The following FAM81A variants were observed in gnomAD, a reference collection of about 807,000 sequenced individuals.
FAM81A encodes the protein protein FAM81A.
Under a neutral mutation model 46.7 loss-of-function variants are expected in FAM81A, and 19 were observed. That is an observed-to-expected ratio of 0.41 (90% CI 0.28 to 0.60). FAM81A has a LOEUF of 0.60. FAM81A is among the 20% of genes least tolerant of loss of function. The probability of loss-of-function intolerance (pLI) is 0.34; values close to 1 mark genes in which losing one functional copy is unlikely to be tolerated. For synonymous variants in FAM81A, 183 were observed against 152.9 expected (o/e 1.20, Z -1.45); for missense variants, 377 against 453.5 (o/e 0.83, Z 1.53).
At chr15:59,402,760 G>A (rs1172764295) in intron 2 of FAM81A, among the ~76,000 whole-genome samples, 1 of 151,960 alleles carries the variant, frequency 6.6e-6, no homozygotes, top group Admixed American at 6.6e-5. Context: ...CACCATGTTA[G>A]CCAGGCTGGT....
At chr15:59,435,958 TTTGTCCCC>T (rs1236044326), upstream of FAM81A, among the ~76,000 whole-genome samples, 1 of 151,984 alleles carries the variant, frequency 6.6e-6, no homozygotes, top group Non-Finnish European at 1.5e-5. Flanking sequence ...TGCATTAAAT[TTTGTCCCC>T]TTGGGATTCA....
intron 1 of FAM81A, among the ~76,000 whole-genome samples, chr15:59,449,936 T>C (rs1191152844): frequency 6.6e-6 from 1 of 151,740 alleles, no homozygotes; most frequent in Non-Finnish European, 1.5e-5. Context: ...TCCTTTTTTT[T>C]TGTGAGACAA....
intron 4 of FAM81A, among the ~76,000 whole-genome samples, chr15:59,497,395 G>A (rs571750223): frequency 2.4e-4 from 37 of 152,002 alleles, no homozygotes; most frequent in Admixed American, 1.3e-3. Flanking sequence ...GCAGTGAGCC[G>A]AGGTTGTGCC....
chr15:59,513,826 G>A (rs182360594), intron 6 of FAM81A, among the ~76,000 whole-genome samples: 7 of 152,166 alleles, frequency 4.6e-5, no homozygotes, highest in South Asian at 2.1e-4. Flanking sequence ...GGAATCAACC[G>A]AAATGTCCAT....
intron 2 of FAM81A, among the ~76,000 whole-genome samples, chr15:59,410,422 C>T (rs533742323): frequency 3.4e-4 from 52 of 152,350 alleles, no homozygotes; most frequent in Admixed American, 6.5e-4. Context: ...ATTCAGTCCA[C>T]ACAAATAACT....
chr15:59,424,017 T>TA (rs2081185646), intron 2 of FAM81A, among the ~76,000 whole-genome samples: 1 of 152,158 alleles, frequency 6.6e-6, no homozygotes, highest in Admixed American at 6.6e-5. Flanking sequence ...TTGCCTGTGG[T>TA]CACTACATTC....
chr15:59,446,074 A>G (rs1321377915), intron 1 of FAM81A, among the ~76,000 whole-genome samples: 1 of 152,212 alleles, frequency 6.6e-6, no homozygotes, highest in African/African-American at 2.4e-5. Context: ...CAAATTAGAA[A>G]AACAAAAAGG....
intron 1 of FAM81A, 34 bp downstream of exon 1, chr15:59,438,316 G>A (rs535636570): frequency 1.9e-4 from 29 of 152,088 alleles, no homozygotes; most frequent in African/African-American, 7.0e-4. Context: ...CCGGCCGGGC[G>A]GCCTCTGGGG....
upstream of FAM81A, among the ~76,000 whole-genome samples, chr15:59,435,195 G>GAGAATTGCTTGAA (rs2081237935): frequency 6.6e-6 from 1 of 152,162 alleles, no homozygotes; most frequent in Admixed American, 6.5e-5. Context: ...GCTGAGGCGG[G>GAGAATTGCTTGAA]AGAATTGCTT....
chr15:59,521,485 G>A lies in FAM81A; in HGVS notation c.*107G>A, dbSNP rs1433701780. 85 of 1,318,256 alleles carry A rather than the reference G, an allele frequency of 6.4e-5. No individual in the cohort carries two copies. Among genetic ancestry groups the A allele is most frequent in the South Asian group, 3.0e-4 (17 of 56,668 alleles). 81.7% of individuals were successfully genotyped at this position (1,318,256 alleles called of 1,614,324 possible). On this transcript the variant is annotated 3_prime_UTR_variant, in exon 9 of 9. Coordinates refer to ENST00000288228, the MANE Select transcript of FAM81A (RefSeq NM_152450.3). ...CATTCAGGATTGTTCCATCCATGGC[G>A]TGCATGTGCCAAGAAATGTGTTTTT...
chr15:59,478,694 C>T (rs1413827972), intron 3 of FAM81A, among the ~76,000 whole-genome samples: 1 of 152,124 alleles, frequency 6.6e-6, no homozygotes, highest in Admixed American at 6.6e-5. Context: ...TGTTGTATGC[C>T]TTGACTTCGG....
intron 3 of FAM81A, among the ~76,000 whole-genome samples, chr15:59,483,785 G>A (rs1235967182): frequency 6.6e-6 from 1 of 152,184 alleles, no homozygotes; most frequent in Non-Finnish European, 1.5e-5. Flanking sequence ...GGATAGGCAG[G>A]CAGGAAAGCC....
chr15:59,510,429 G>T (rs903005955), intron 6 of FAM81A, among the ~76,000 whole-genome samples: 2 of 148,614 alleles, frequency 1.3e-5, no homozygotes, highest in Non-Finnish European at 3.0e-5. Context: ...GCCAAGTCTA[G>T]ACACATCAGT....
intron 4 of FAM81A, among the ~76,000 whole-genome samples, chr15:59,495,617 G>A (rs1195014054): frequency 6.6e-6 from 1 of 152,142 alleles, no homozygotes; most frequent in Non-Finnish European, 1.5e-5. Flanking sequence ...CGAAGTGGCC[G>A]CCACTTTACA....
At chr15:59,501,110 T>C (rs1448737849) in intron 4 of FAM81A, among the ~76,000 whole-genome samples, 1 of 152,216 alleles carries the variant, frequency 6.6e-6, no homozygotes, top group African/African-American at 2.4e-5. Flanking sequence ...ACAAGCCCTC[T>C]AAGCTTGTTT....
At chr15:59,442,193 A>T (rs148208290) in intron 1 of FAM81A, among the ~76,000 whole-genome samples, 65 of 152,334 alleles carry the variant, frequency 4.3e-4, no homozygotes, top group African/African-American at 1.4e-3. Flanking sequence ...GCTGTTGCCC[A>T]CATTTCACTC....
chr15:59,448,871 C>T (rs1244950436), intron 1 of FAM81A, among the ~76,000 whole-genome samples: 7 of 152,068 alleles, frequency 4.6e-5, no homozygotes, highest in Non-Finnish European at 1.0e-4. Flanking sequence ...TGCTATGTTG[C>T]ACAGGCTGGT....
chr15:59,408,086 C>A, intron 2 of FAM81A: 1 of 165,078 alleles, frequency 6.1e-6, no homozygotes, highest in East Asian at 1.8e-4. Flanking sequence ...CTTTCCTGGC[C>A]TCCTGCTTCT....
chr15:59,451,242 C>CAGA (rs1337478756), intron 1 of FAM81A, among the ~76,000 whole-genome samples: 5 of 152,078 alleles, frequency 3.3e-5, no homozygotes, highest in African/African-American at 1.2e-4. Flanking sequence ...TAGACTTGGG[C>CAGA]TTGTGTTTGC....
Sources: gnomAD v4.1 joint callset for allele counts (sites outside exome capture counted in the v4.1 genomes callset) on GRCh38, gnomAD v4.1.1 for gene constraint, MANE v1.5 for transcripts, NCBI Gene and HGNC (gene_info 2026-07-23, HGNC 2026-07-21) for gene names.